TENM3: variants seen among roughly 807,000 people sequenced by gnomAD.
TENM3 encodes teneurin-3.
A neutral mutation model predicts 255.1 loss-of-function variants in TENM3; 63 were observed. The ratio of observed to expected loss-of-function variants is 0.25; its 90% CI spans 0.20 to 0.30. The LOEUF is 0.30. Among genes scored for constraint, TENM3 ranks in the 10% least tolerant of loss-of-function variants. The probability of loss-of-function intolerance (pLI) is 1.00; values close to 1 mark genes in which losing one functional copy is unlikely to be tolerated. For synonymous variants in TENM3, 1,306 were observed against 1,322.3 expected (o/e 0.99, Z 0.27); for missense variants, 2,929 against 3,461.1 (o/e 0.85, Z 3.86).
chr4:182,232,651 G>A (rs111375200), intron 1 of TENM3, among the ~76,000 whole-genome samples: 9,993 of 151,952 alleles, frequency 0.066, 401 homozygotes, highest in African/African-American at 0.11. Context: ...AGCGGAGATC[G>A]CGCCACTGCA....
chr4:181,666,454 A>G, the TENM3 span, among the ~76,000 whole-genome samples: 5 of 152,178 alleles, frequency 3.3e-5, no homozygotes, highest in Non-Finnish European at 5.9e-5. Flanking sequence ...GTAGATTCAC[A>G]ATCAACAATG....
At chr4:182,753,384 G>C (rs1243624433) in intron 20 of TENM3, 66 bp from the exon 21 acceptor site, 3 of 1,364,438 alleles carry the variant, frequency 2.2e-6, no homozygotes, top group Non-Finnish European at 3.1e-6. Context: ...TTAATAATGG[G>C]CCTAATAGTT....
At chr4:181,559,850 A>G in the TENM3 span, among the ~76,000 whole-genome samples, 1 of 152,198 alleles carries the variant, frequency 6.6e-6, no homozygotes. Flanking sequence ...GAGAAACCAC[A>G]CGCAGGAGAC....
At position 182,605,484 on chromosome 4, in the gene TENM3, T is replaced by TA. The variant is rs756985870; in HGVS notation, c.749+4323_749+4324insA. Among the ~76,000 whole-genome samples the TA allele has an allele frequency of 1.6e-3, 187 of 114,636 alleles. 4 individuals carry two copies. Among genetic ancestry groups the TA allele is most frequent in the Middle Eastern group, 3.8e-3 (1 of 262 alleles). 75.2% of individuals were successfully genotyped at this position (114,636 alleles called of 152,430 possible). ...TTAAAGTTTCACCATCATCATTTAT[T>TA]TAAAAAAAAAAAAAAAAGGGAAAGT... On this transcript the variant is annotated intron_variant, in intron 4 of 27. Coordinates refer to ENST00000511685, the MANE Select transcript of TENM3 (RefSeq NM_001080477.4).
At chr4:182,503,597 A>T (rs1251873130) in intron 3 of TENM3, among the ~76,000 whole-genome samples, 2 of 152,186 alleles carry the variant, frequency 1.3e-5, no homozygotes, top group East Asian at 3.8e-4. Flanking sequence ...TGGCAGGCTC[A>T]GGTCCACACA....
chr4:181,524,121 G>T, the TENM3 span, among the ~76,000 whole-genome samples: 2 of 152,104 alleles, frequency 1.3e-5, no homozygotes, highest in African/African-American at 4.8e-5. Flanking sequence ...TCTTTATAAA[G>T]ATTAACCTGT....
At chr4:181,567,114 T>G in the TENM3 span, among the ~76,000 whole-genome samples, 1 of 152,186 alleles carries the variant, frequency 6.6e-6, no homozygotes, top group South Asian at 2.1e-4. Context: ...CTCTGATCAA[T>G]AAGAGTAGAA....
At chr4:181,507,342 G>C in the TENM3 span, among the ~76,000 whole-genome samples, 1 of 152,194 alleles carries the variant, frequency 6.6e-6, no homozygotes, top group African/African-American at 2.4e-5. Flanking sequence ...CAGTAGACAA[G>C]TCACACGTGT....
rs183342547 is a variant in TENM3 at position 182,476,906 on chromosome 4, T to C, written c.512-124018T>C. ...ATTGTCCACTTCTTAAAGTTTAGTCTGAACAGGCTTGTTCTACTTCTAAAC... is the reference window on the plus strand; with the variant it reads ...ATTGTCCACTTCTTAAAGTTTAGTCCGAACAGGCTTGTTCTACTTCTAAAC... On this transcript the variant is annotated intron_variant, in intron 3 of 27. Coordinates refer to ENST00000511685, the MANE Select transcript of TENM3 (RefSeq NM_001080477.4). Among the ~76,000 whole-genome samples the C allele has an allele frequency of 3.9e-5, 6 of 152,342 alleles. No individual in the cohort carries two copies. In the East Asian group the frequency reaches 5.8e-4, roughly 15 times the overall value.
chr4:181,455,699 G>A, the TENM3 span, among the ~76,000 whole-genome samples: 1 of 151,950 alleles, frequency 6.6e-6, no homozygotes, highest in African/African-American at 2.4e-5. Context: ...TGAGGGTTTA[G>A]TGGAGTGTCG....
intron 16 of TENM3, among the ~76,000 whole-genome samples, chr4:182,732,354 A>G (rs887962120): frequency 1.3e-5 from 2 of 152,200 alleles, no homozygotes; most frequent in Non-Finnish European, 2.9e-5. Flanking sequence ...TTGTCAGTAA[A>G]AAGTGTTTTG....
Position 182,201,015 on chromosome 4 carries a change from G to A in TENM3, c.-76+56261G>A, listed in dbSNP as rs560348987. Among the ~76,000 whole-genome samples, 3 of 152,026 alleles carry A rather than the reference G, an allele frequency of 2.0e-5. 1 individual carries two copies. The South Asian group carries it at 6.3e-4, about 32-fold the overall frequency. ...AATTTTTGTATTTTTAGTCGAGATG[G>A]GGTTTCACCATGTTGGTCAGGCTGG... On this transcript the variant is annotated intron_variant, in intron 1 of 2. Transcript: ENST00000512480.
chr4:182,497,847 CATATATATATATATATAT>C (rs56170155), intron 3 of TENM3, among the ~76,000 whole-genome samples: 20 of 135,658 alleles, frequency 1.5e-4, no homozygotes, highest in Admixed American at 2.8e-4. Flanking sequence ...ACTAAAAATA[CATATATATATATATATAT>C]ATATATATAT....
At chr4:182,166,877 G>GTT (rs143482495) in intron 1 of TENM3, among the ~76,000 whole-genome samples, 17 of 149,690 alleles carry the variant, frequency 1.1e-4, no homozygotes, top group East Asian at 3.9e-4. Context: ...AAACTCTTGG[G>GTT]TTTTTTTTTT....
intron 1 of TENM3, among the ~76,000 whole-genome samples, chr4:182,212,667 A>G (rs1170117446): frequency 6.6e-6 from 1 of 152,190 alleles, no homozygotes; most frequent in Non-Finnish European, 1.5e-5. Flanking sequence ...GCCTCCCTTA[A>G]AGCTGCGGCT....
At chr4:181,549,864 T>A in the TENM3 span, among the ~76,000 whole-genome samples, 2 of 152,216 alleles carry the variant, frequency 1.3e-5, no homozygotes, top group African/African-American at 4.8e-5. Flanking sequence ...TCTATAAATA[T>A]CTTTTCAGCA....
At chr4:181,698,011 G>A in the TENM3 span, among the ~76,000 whole-genome samples, 1 of 151,924 alleles carries the variant, frequency 6.6e-6, no homozygotes, top group Non-Finnish European at 1.5e-5. Flanking sequence ...TCAGGAGTTT[G>A]AGACCGGCCT....
rs146978766 is a variant in TENM3, at chr4:182,597,841, G to A, written c.512-3083G>A. ...TGTAGAGCTAGCATTGACCCTAACTGAATCCCCGGATTTTGCTCCTGTTTG... is the reference window on the plus strand; with the variant it reads ...TGTAGAGCTAGCATTGACCCTAACTAAATCCCCGGATTTTGCTCCTGTTTG... On this transcript the variant is annotated intron_variant, in intron 3 of 27. Coordinates refer to ENST00000511685, the MANE Select transcript of TENM3 (RefSeq NM_001080477.4). 1.1e-3 allele frequency among the ~76,000 whole-genome samples: 175 copies of A among 152,208 alleles called. 4 individuals are homozygous for A. In the East Asian group the frequency reaches 0.018, roughly 16 times the overall value.
chr4:181,665,243 T>C, the TENM3 span, among the ~76,000 whole-genome samples: 1 of 152,190 alleles, frequency 6.6e-6, no homozygotes, highest in Admixed American at 6.5e-5. Flanking sequence ...AGGTGTTAAA[T>C]ATCAGGTCGT....
Sources: allele counts gnomAD v4.1 joint callset (sites outside exome capture counted in the v4.1 genomes callset), GRCh38; gene constraint gnomAD v4.1.1; transcripts MANE v1.5; gene names NCBI Gene and HGNC (gene_info 2026-07-23, HGNC 2026-07-21).